The following LRP5 variants were observed in gnomAD, a reference collection of about 807,000 sequenced individuals.
The protein encoded by LRP5 is low-density lipoprotein receptor-related protein 5.
In LRP5, 62 loss-of-function variants were observed where a neutral mutation model predicts 154.1. The observed-to-expected ratio is 0.40, with a 90% CI of 0.33 to 0.50. LRP5 has a LOEUF of 0.50. LRP5 is among the 20% of genes least tolerant of loss of function. The probability of loss-of-function intolerance (pLI) is 0.55; values close to 1 mark genes in which losing one functional copy is unlikely to be tolerated. For synonymous variants in LRP5, 966 were observed against 1,011.5 expected, an observed-to-expected ratio of 0.96 and a Z score of 0.85; for missense variants, 1,915 against 2,336.7, an observed-to-expected ratio of 0.82 and a Z score of 3.72.
In LRP5 at chr11:68,353,599, G is replaced by A. The variant is rs2098620566; in HGVS notation, c.489-4051G>A. ...TGAGAGTGGGGACAGTGGAGGGTGG[G>A]TTTGTCCTCTGTCCTGGCCACAGGC... On this transcript the variant is annotated intron_variant, in intron 2 of 22. Coordinates refer to ENST00000294304, the MANE Select transcript of LRP5 (RefSeq NM_002335.4). The surrounding 1 kb of genome is among the most constrained non-coding windows in gnomAD (Gnocchi z 4.5). Among the ~76,000 whole-genome samples, 1 of 152,192 alleles carries A rather than the reference G, an allele frequency of 6.6e-6. No homozygotes were observed. The highest frequency in any genetic ancestry group is 2.1e-4 in the South Asian group (1 of 4,834).
upstream of LRP5, among the ~76,000 whole-genome samples, chr11:68,311,833 C>A (rs1443393085): frequency 6.6e-6 from 1 of 152,248 alleles, no homozygotes; most frequent in African/African-American, 2.4e-5. Flanking sequence ...GGAGTTCCAA[C>A]TTGGGCTTGC....
intron 1 of LRP5, among the ~76,000 whole-genome samples, chr11:68,337,928 G>C (rs946916978): frequency 3.3e-5 from 5 of 152,206 alleles, no homozygotes; most frequent in African/African-American, 1.2e-4. Flanking sequence ...AAGCCTGCCT[G>C]GGCCACCTGC....
chr11:68,377,132 G>A (rs1202507278), intron 5 of LRP5, among the ~76,000 whole-genome samples: 1 of 152,144 alleles, frequency 6.6e-6, no homozygotes, highest in Admixed American at 6.5e-5. Context: ...TGGCCATGCA[G>A]CCATGGGCCT....
At chr11:68,329,667 C>T (rs1188522612) in intron 1 of LRP5, among the ~76,000 whole-genome samples, 4 of 152,164 alleles carry the variant, frequency 2.6e-5, no homozygotes, top group Admixed American at 6.5e-5. Context: ...CCTCTCGCCT[C>T]CCATATGAAC....
upstream of LRP5, among the ~76,000 whole-genome samples, chr11:68,308,923 ATTTTTT>A (rs34529621): frequency 8.1e-5 from 6 of 74,480 alleles, no homozygotes; most frequent in African/African-American, 2.4e-4. Flanking sequence ...TAATCAGCTA[ATTTTTT>A]TTTTTTTTTT....
At chr11:68,382,741 T>C (rs1286483644) in intron 5 of LRP5, among the ~76,000 whole-genome samples, 1 of 152,180 alleles carries the variant, frequency 6.6e-6, no homozygotes, top group Non-Finnish European at 1.5e-5. Flanking sequence ...CAAAGTGAAG[T>C]GAGCTTTCCT....
chr11:68,323,368 A>T (rs514529), intron 1 of LRP5, among the ~76,000 whole-genome samples: 76,015 of 151,664 alleles, frequency 0.5, 20,761 homozygotes, highest in South Asian at 0.82. Flanking sequence ...TCAGCCTCCC[A>T]GAGTGCTGGG....
At chr11:68,375,100 G>A (rs2098636625) in intron 5 of LRP5, among the ~76,000 whole-genome samples, 1 of 152,236 alleles carries the variant, frequency 6.6e-6, no homozygotes, top group Non-Finnish European at 1.5e-5. Flanking sequence ...TGCGGGGCCT[G>A]GTGGGACGCC....
intron 2 of LRP5, among the ~76,000 whole-genome samples, chr11:68,349,083 A>G (rs1450814561): frequency 7.7e-6 from 1 of 129,704 alleles, no homozygotes; most frequent in African/African-American, 3.0e-5. Context: ...CCCAGGCTGG[A>G]GTGCAGTGGC....
chr11:68,427,656 G>C (rs533290848), intron 16 of LRP5, among the ~76,000 whole-genome samples: 1 of 152,130 alleles, frequency 6.6e-6, no homozygotes, highest in South Asian at 2.1e-4. Context: ...CTCCAGCCTA[G>C]GCAATAGAGT....
chr11:68,371,829 C>T (rs1332252902), intron 5 of LRP5, among the ~76,000 whole-genome samples: 1 of 152,258 alleles, frequency 6.6e-6, no homozygotes, highest in Non-Finnish European at 1.5e-5. Flanking sequence ...GATGTCAGAG[C>T]TGGCCAGAAG....
At chr11:68,325,870 G>A (rs1280149833) in intron 1 of LRP5, among the ~76,000 whole-genome samples, 7 of 152,232 alleles carry the variant, frequency 4.6e-5, no homozygotes, top group African/African-American at 1.4e-4. Flanking sequence ...GAGAGGCAGC[G>A]TTGAAAAGTA....
chr11:68,405,501 C>G (rs533459604), intron 8 of LRP5, among the ~76,000 whole-genome samples: 1 of 149,866 alleles, frequency 6.7e-6, no homozygotes, highest in East Asian at 2.0e-4. Flanking sequence ...CATTTACTAT[C>G]CACCATGGAA....
At position 68,348,046 on chromosome 11, in the gene LRP5, C is replaced by T. The variant is rs146667935; in HGVS notation, c.291C>T (p.Ala97=). 1,136 of 1,614,114 alleles carry T rather than the reference C, an allele frequency of 7.0e-4. 4 individuals are homozygous for T. Among genetic ancestry groups the T allele is most frequent in the Non-Finnish European group, 8.8e-4 (1,044 of 1,180,030 alleles). The change falls in exon 2 of 23, where the codon GCC becomes GCT. Residue 97 remains alanine (A), a synonymous_variant. Coordinates refer to ENST00000294304, the MANE Select transcript of LRP5 (RefSeq NM_002335.4). ...AGACCTACCTGAACCAGACGGGGGC[C>T]GCCGTGCAGAACGTGGTCATCTCCG... ...IKQTYLNQTG[A]AVQNVVISGL... is the part of the protein sequence containing the mutation.
rs143336071 is a variant in LRP5, at chr11:68,448,777, G to A, written c.4587-32G>A. On this transcript the variant is annotated intron_variant, in intron 22 of 22. Transcript: ENST00000294304. Reference sequence around the variant, plus strand: ...GCCCACCAGGGCGGATGTGCCTACCGAATCCCACTCCTCTGTGTGTGTCCC... The same window carrying A: ...GCCCACCAGGGCGGATGTGCCTACCAAATCCCACTCCTCTGTGTGTGTCCC... The A allele has an allele frequency of 3.9e-3, 6,253 of 1,600,508 alleles. 23 individuals are homozygous for A. Among genetic ancestry groups the A allele is most frequent in the Non-Finnish European group, 4.9e-3 (5,778 of 1,179,914 alleles).
At chr11:68,448,383 C>T (rs1420760249) in intron 22 of LRP5, among the ~76,000 whole-genome samples, 10 of 152,230 alleles carry the variant, frequency 6.6e-5, no homozygotes, top group South Asian at 4.1e-4. Flanking sequence ...CCTGTTTTGT[C>T]GGACACTGTT....
upstream of LRP5, among the ~76,000 whole-genome samples, chr11:68,311,558 C>T (rs1198877403): frequency 6.6e-6 from 1 of 152,204 alleles, no homozygotes; most frequent in Non-Finnish European, 1.5e-5. Context: ...TTTTAATTTT[C>T]CGTCTTCTTG....
intron 3 of LRP5, among the ~76,000 whole-genome samples, chr11:68,359,567 G>A (rs1306885292): frequency 2.0e-5 from 3 of 152,292 alleles, no homozygotes; most frequent in Admixed American, 6.5e-5. Context: ...TGGTGGTGGC[G>A]GTGGCGGCAG....
chr11:68,368,976 T>C (rs2098632605), intron 5 of LRP5, among the ~76,000 whole-genome samples: 1 of 151,988 alleles, frequency 6.6e-6, no homozygotes, highest in Non-Finnish European at 1.5e-5. Context: ...CAGCTGGGAT[T>C]ACAGGCGCCC....
Sources: allele counts gnomAD v4.1 joint callset (sites outside exome capture counted in the v4.1 genomes callset), GRCh38; gene constraint gnomAD v4.1.1; non-coding constraint Gnocchi (gnomAD v3.1); transcripts MANE v1.5; gene names NCBI Gene and HGNC (gene_info 2026-07-23, HGNC 2026-07-21).